Variants in CRIP2 observed in about 807,000 individuals in gnomAD.
CRIP2 encodes cysteine rich protein 2.
Under a neutral mutation model 31.3 loss-of-function variants are expected in CRIP2, and 31 were observed. The observed-to-expected ratio is 0.99, with a 90% confidence interval of 0.74 to 1.34. CRIP2 has a LOEUF of 1.34. CRIP2 is among the 40% of genes most tolerant of loss of function. The pLI is 0.00. For missense variants in CRIP2, 389 were observed against 301.6 expected, an observed-to-expected ratio of 1.29 and a Z score of -2.15; for synonymous variants, 177 against 127.2, an observed-to-expected ratio of 1.39 and a Z score of -2.63.
Position 105,478,060 on chromosome 14 carries a change from C to T in CRIP2, c.44-206C>T, listed in dbSNP as rs1266499546. Among the ~76,000 whole-genome samples, 1 of 151,702 alleles carries T rather than the reference C, an allele frequency of 6.6e-6. No individual in the cohort carries two copies. Among genetic ancestry groups the T allele is most frequent in the Non-Finnish European group, 1.5e-5 (1 of 67,850 alleles). On this transcript the variant is annotated intron_variant, in intron 1 of 7. Coordinates refer to ENST00000329146, the MANE Select transcript of CRIP2 (RefSeq NM_001312.4). This position sits in a 1 kb window ranked among gnomAD's most constrained non-coding sequence, Gnocchi z 4.9. ...GTTCCAGGGCTGGGGGCGCTGAGAC[C>T]CAGAGGGAGAACAGGGCCTGGGGGC...
chr14:105,474,243 A>T (rs112476519), upstream of CRIP2: 360 of 149,740 alleles, frequency 2.4e-3, 2 homozygotes, highest in East Asian at 0.012. The surrounding 1 kb of genome is among the most constrained non-coding windows in gnomAD (Gnocchi z 5.1). Flanking sequence ...GGAGCGGGAC[A>T]TGGAGACCCG....
rs1419323088 is a variant in CRIP2, at chr14:105,475,817, G to T, written c.43+912G>T. On this transcript the variant is annotated intron_variant, in intron 1 of 7. Coordinates refer to ENST00000329146, the MANE Select transcript of CRIP2 (RefSeq NM_001312.4). The stretch of plus-strand genomic sequence containing the variant: ...CTTTCTCCAGGGTGGTAAGGTCCCT[G>T]CCCACCTACCCACCAGCTGCTGCAC... The T allele has an allele frequency of 4.1e-6, 4 of 985,188 alleles. No individual in the cohort carries two copies. In the African/African-American group the frequency reaches 7.0e-5, roughly 17 times the overall value. 61.0% of individuals were successfully genotyped at this position (985,188 alleles called of 1,614,324 possible).
At position 105,478,692 on chromosome 14, in the gene CRIP2, C is replaced by T. The variant is rs1456518206; in HGVS notation, c.197-39C>T. The T allele has an allele frequency of 5.5e-6, 8 of 1,446,454 alleles. No homozygotes were observed. The East Asian group carries it at 2.0e-4, about 37-fold the overall frequency. The allele number at this position is 1,446,454 out of a possible 1,614,324, so 89.6% of individuals were successfully genotyped here. A position where few individuals can be genotyped will look rare whatever the true frequency, so the allele number is the denominator to read the frequency against. ...TGAGATGCCCGGTGGCCGCGGCCCC[C>T]ACCCCACGTACCCCCGCCCCACGTA... On this transcript the variant is annotated intron_variant, in intron 3 of 7. Coordinates refer to ENST00000329146, the MANE Select transcript of CRIP2 (RefSeq NM_001312.4). The surrounding 1 kb of genome is among the most constrained non-coding windows in gnomAD (Gnocchi z 4.9).
At chr14:105,474,755 C>T (rs1453607270), upstream of CRIP2, 1 of 1,100,778 alleles carries the variant, frequency 9.1e-7, no homozygotes, top group Non-Finnish European at 1.1e-6. The surrounding 1 kb of genome is among the most constrained non-coding windows in gnomAD (Gnocchi z 5.1). Flanking sequence ...CCGCCCCGGC[C>T]GCGGAGCCAA....
intron 1 of CRIP2, chr14:105,476,005 C>T (rs587599031): frequency 2.6e-4 from 261 of 985,506 alleles, no homozygotes; most frequent in Admixed American, 4.3e-4. Context: ...GTATTTTGCC[C>T]GTCCCAGAGG....
In CRIP2 at chr14:105,479,623, C is replaced by T. The variant is rs782806169; in HGVS notation, c.597C>T (p.Asp199=). Residue 199 remains aspartate, a synonymous_variant, in exon 8 of 8, where the codon GAC becomes GAT. Transcript: ENST00000329146. ...NTGAVGSYIY[D]RDPEGKVQP ...GTGCGGTGGGCAGCTACATCTATGA[C>T]CGGGACCCCGAAGGCAAGGTCCAGC... is the stretch of plus-strand genomic sequence containing the variant. 4.3e-6 allele frequency: 7 copies of T among 1,612,590 alleles called. No individual in the cohort carries two copies. Among genetic ancestry groups the T allele is most frequent in the African/African-American group, 2.7e-5 (2 of 74,904 alleles).
chr14:105,477,111 A>T (rs1045965372), intron 1 of CRIP2: 3 of 290,104 alleles, frequency 1.0e-5, no homozygotes, highest in Non-Finnish European at 1.5e-5. Context: ...CCCAGCCTGC[A>T]TGCTCCCTCC....
chr14:105,479,423 C>T lies in CRIP2; in HGVS notation c.502-13C>T, dbSNP rs374436573. The T allele has an allele frequency of 3.1e-6, 5 of 1,612,726 alleles. No individual in the cohort carries two copies. The highest frequency in any genetic ancestry group is 4.5e-5 in the East Asian group (2 of 44,882). On this transcript the variant is annotated splice_polypyrimidine_tract_variant and intron_variant, in intron 6 of 7. Coordinates refer to ENST00000329146, the MANE Select transcript of CRIP2 (RefSeq NM_001312.4). ...CTGTGGACTCCTCCCTCAGCACCCA[C>T]CTTCTGCCCCAGCACGACGGCCAGC...
At chr14:105,473,312 G>A (rs1595446080), upstream of CRIP2, 2 of 1,531,924 alleles carry the variant, frequency 1.3e-6, no homozygotes, top group Non-Finnish European at 1.7e-6. Flanking sequence ...GAGCTGGTCA[G>A]GCTGGTCAGT....
chr14:105,474,661 C>G (rs1555435336), upstream of CRIP2: 1 of 530,016 alleles, frequency 1.9e-6, no homozygotes, highest in Non-Finnish European at 2.4e-6. The surrounding 1 kb of genome is among the most constrained non-coding windows in gnomAD (Gnocchi z 5.1). Flanking sequence ...CCGGCTGCCC[C>G]GCACCCGCCA....
intron 1 of CRIP2, chr14:105,475,946 G>A (rs1318635008): frequency 2.9e-5 from 29 of 985,458 alleles, no homozygotes; most frequent in Non-Finnish European, 3.5e-5. Flanking sequence ...AGGGAAGGCC[G>A]CCACTGGGCT....
chr14:105,478,548 G>A lies in CRIP2; in HGVS notation c.196+41G>A. On this transcript the variant is annotated intron_variant, in intron 3 of 7. Transcript: ENST00000329146. The surrounding 1 kb of genome is among the most constrained non-coding windows in gnomAD (Gnocchi z 4.9). ...CCTCGGCCTGCCCTGGGACCTGCTGGGAGGGGCGTGGCGCTGGCGCTGGGG... is the reference window on the plus strand; with the variant it reads ...CCTCGGCCTGCCCTGGGACCTGCTGAGAGGGGCGTGGCGCTGGCGCTGGGG... 1 of 1,585,782 alleles carries A rather than the reference G, an allele frequency of 6.3e-7. No individual in the cohort carries two copies. The highest frequency in any genetic ancestry group is 8.6e-7 in the Non-Finnish European group (1 of 1,167,892).
At position 105,476,362 on chromosome 14, in the gene CRIP2, G is replaced by A. The variant is rs1053609557; in HGVS notation, c.43+1457G>A. 20 of 985,490 alleles carry A rather than the reference G, an allele frequency of 2.0e-5. No individual in the cohort carries two copies. In the African/African-American group the frequency reaches 2.6e-4, roughly 13 times the overall value. 61.0% of individuals were successfully genotyped at this position (985,490 alleles called of 1,614,324 possible). A position where few individuals can be genotyped will look rare whatever the true frequency, so the allele number is the denominator to read the frequency against. ...CCTGCCTGGGAGGCACTGTGAGGGC[G>A]AGGGTCCAGAATCCTGCCCACCCTC... On this transcript the variant is annotated intron_variant, in intron 1 of 7. Coordinates refer to ENST00000329146, the MANE Select transcript of CRIP2 (RefSeq NM_001312.4).
chr14:105,475,727 T>A (rs2083918012), intron 1 of CRIP2: 3 of 742,588 alleles, frequency 4.0e-6, no homozygotes, highest in Non-Finnish European at 4.9e-6. Context: ...CGTCTGGGCT[T>A]ACTCACTCTC....
chr14:105,474,491 A>G (rs2083890736), upstream of CRIP2: 1 of 149,972 alleles, frequency 6.7e-6, no homozygotes, highest in Admixed American at 6.6e-5. This position sits in a 1 kb window ranked among gnomAD's most constrained non-coding sequence, Gnocchi z 5.1. Flanking sequence ...GCCGAGGGCC[A>G]GGCTCCCCGC....
chr14:105,475,881 G>C (rs1054891879), intron 1 of CRIP2: 96 of 985,398 alleles, frequency 9.7e-5, no homozygotes, highest in Non-Finnish European at 1.1e-4. Context: ...AGGAGGGCCG[G>C]GACCAACAGG....
In CRIP2 at chr14:105,478,061, C is replaced by G. The variant is rs914824861; in HGVS notation, c.44-205C>G. Among the ~76,000 whole-genome samples the G allele has an allele frequency of 2.0e-5, 3 of 151,702 alleles. No individual in the cohort carries two copies. Among genetic ancestry groups the G allele is most frequent in the Admixed American group, 2.0e-4 (3 of 15,252 alleles). On this transcript the variant is annotated intron_variant, in intron 1 of 7. Coordinates refer to ENST00000329146, the MANE Select transcript of CRIP2 (RefSeq NM_001312.4). This position sits in a 1 kb window ranked among gnomAD's most constrained non-coding sequence, Gnocchi z 4.9. Reference sequence around the variant, plus strand: ...TTCCAGGGCTGGGGGCGCTGAGACCCAGAGGGAGAACAGGGCCTGGGGGCG... The same window carrying G: ...TTCCAGGGCTGGGGGCGCTGAGACCGAGAGGGAGAACAGGGCCTGGGGGCG...
Position 105,478,597 on chromosome 14 carries a change from T to C in CRIP2, c.196+90T>C. On this transcript the variant is annotated intron_variant, in intron 3 of 7. Transcript: ENST00000329146. The surrounding 1 kb of genome is among the most constrained non-coding windows in gnomAD (Gnocchi z 4.9). Reference sequence around the variant, plus strand: ...GGAGGGCTGGGGGTCCCGGCCGCCGTGGATCCCCGCCCAGAGTCCCTGCCA... The same window carrying C: ...GGAGGGCTGGGGGTCCCGGCCGCCGCGGATCCCCGCCCAGAGTCCCTGCCA... 2 of 1,525,794 alleles carry C rather than the reference T, an allele frequency of 1.3e-6. No individual in the cohort carries two copies. The highest frequency in any genetic ancestry group is 1.4e-5 in the African/African-American group (1 of 72,672). 94.5% of individuals were successfully genotyped at this position (1,525,794 alleles called of 1,614,324 possible).
At chr14:105,476,057 G>C in intron 1 of CRIP2, 1 of 985,610 alleles carries the variant, frequency 1.0e-6, no homozygotes. Context: ...GGCGTGGCTG[G>C]GAGCCGAGGG....
Sources: allele counts gnomAD v4.1 joint callset (sites outside exome capture counted in the v4.1 genomes callset), GRCh38; gene constraint gnomAD v4.1.1; non-coding constraint Gnocchi (gnomAD v3.1); transcripts MANE v1.5; gene names NCBI Gene and HGNC (gene_info 2026-07-23, HGNC 2026-07-21).